Variants in PSG2 observed in about 807,000 individuals in gnomAD.
PSG2 encodes pregnancy-specific beta-1-glycoprotein 2.
PSG2 carries 49 observed loss-of-function variants against 36.2 expected under a neutral mutation model. That is an observed-to-expected ratio of 1.35 (90% CI 1.08 to 1.72). PSG2 has a LOEUF of 1.72. PSG2 is among the 40% of genes most tolerant of loss of function. The pLI, the probability that PSG2 is intolerant of heterozygous loss-of-function variation, is 0.00. For synonymous variants in PSG2, 261 were observed against 155.6 expected, an observed-to-expected ratio of 1.68 and a Z score of -5.04; for missense variants, 605 against 407.2, an observed-to-expected ratio of 1.49 and a Z score of -4.18.
chr19:43,066,586 C>G lies in PSG2; in HGVS notation c.979G>C (p.Gly327Arg). ...GTTGGATTAAGGAGAGGAAGAAGTC[C>G]TATTCTTGTAGAAGCTGTCATGGAA... ...TVKVSASTRIGLLPLLNPT is the reference protein window; with the variant it reads ...TVKVSASTRIRLLPLLNPT The change falls in exon 5 of 6, where the codon GGA (glycine) becomes CGA (arginine). Residue 327 changes from glycine to arginine, a missense_variant. Coordinates refer to ENST00000406487, the MANE Select transcript of PSG2 (RefSeq NM_031246.4). 5 of 1,601,388 alleles carry G rather than the reference C, an allele frequency of 3.1e-6. No homozygotes were observed. Among genetic ancestry groups the G allele is most frequent in the Non-Finnish European group, 4.3e-6 (5 of 1,169,192 alleles).
In PSG2 at chr19:43,066,339, G is replaced by A. The variant is rs1001046953; in HGVS notation, c.*40+178C>T. 7.9e-5 allele frequency among the ~76,000 whole-genome samples: 12 copies of A among 151,754 alleles called. 1 individual carries two copies. Among genetic ancestry groups the A allele is most frequent in the Middle Eastern group, 6.8e-3 (2 of 294 alleles). ...ATAATTATGTCTAAAAGACAGTGGG[G>A]TACAGGGAGCATAAAGGCCAGGGAG... On this transcript the variant is annotated intron_variant, in intron 5 of 5. Coordinates refer to ENST00000406487, the MANE Select transcript of PSG2 (RefSeq NM_031246.4).
Position 43,072,911 on chromosome 19 carries a change from C to T in PSG2, c.710-957G>A, listed in dbSNP as rs961363025. Reference sequence around the variant, plus strand: ...GTCAGTGGGAGTCACAGCCCCAGTACCCCTCCCAGTCTCTCCCTAATCAGT... The same window carrying T: ...GTCAGTGGGAGTCACAGCCCCAGTATCCCTCCCAGTCTCTCCCTAATCAGT... On this transcript the variant is annotated intron_variant, in intron 3 of 5. Coordinates refer to ENST00000406487, the MANE Select transcript of PSG2 (RefSeq NM_031246.4). 2.0e-5 allele frequency among the ~76,000 whole-genome samples: 3 copies of T among 151,688 alleles called. 1 individual carries two copies. The highest frequency in any genetic ancestry group is 7.3e-5 in the African/African-American group (3 of 41,084).
At chr19:43,072,545 T>C in intron 3 of PSG2, 2 of 1,611,282 alleles carry the variant, frequency 1.2e-6, no homozygotes, top group Non-Finnish European at 1.7e-6. Context: ...GCTCTCACTC[T>C]TAGGTTCACA....
At chr19:43,070,856 G>A (rs1160066783) in intron 4 of PSG2, among the ~76,000 whole-genome samples, 1 of 151,668 alleles carries the variant, frequency 6.6e-6, no homozygotes, top group Non-Finnish European at 1.5e-5. Flanking sequence ...GTGTCTGGTA[G>A]TCTTACCCTC....
At chr19:43,078,344 T>G (rs1321481246) in intron 2 of PSG2, among the ~76,000 whole-genome samples, 1 of 151,816 alleles carries the variant, frequency 6.6e-6, no homozygotes, top group Non-Finnish European at 1.5e-5. Context: ...TCTGCTAAAT[T>G]GTTGTCACAG....
chr19:43,079,655 G>T (rs963154448), intron 2 of PSG2, among the ~76,000 whole-genome samples: 6 of 123,158 alleles, frequency 4.9e-5, no homozygotes, highest in African/African-American at 1.7e-4. Context: ...AGTGATGGGG[G>T]TTAAGATCTG....
intron 5 of PSG2, among the ~76,000 whole-genome samples, chr19:43,065,289 C>G (rs901150105): frequency 6.6e-6 from 1 of 151,558 alleles, no homozygotes; most frequent in Non-Finnish European, 1.5e-5. Context: ...TTACTGAGTT[C>G]TTGGTGTAGC....
At chr19:43,078,971 T>G (rs1043595253) in intron 2 of PSG2, among the ~76,000 whole-genome samples, 4 of 151,496 alleles carry the variant, frequency 2.6e-5, no homozygotes, top group East Asian at 1.9e-4. Flanking sequence ...TGGCTCGAGA[T>G]GAAGCCTGGC....
At chr19:43,072,213 C>A (rs1967829269) in intron 3 of PSG2, 3 of 1,452,218 alleles carry the variant, frequency 2.1e-6, no homozygotes, top group Admixed American at 2.3e-5. Context: ...CAGGTTTTCC[C>A]AGGGCAGGGA....
chr19:43,078,427 G>A (rs141949242), intron 2 of PSG2, among the ~76,000 whole-genome samples: 1 of 151,664 alleles, frequency 6.6e-6, no homozygotes, highest in African/African-American at 2.4e-5. Context: ...TGATCCTATA[G>A]ATAACATCAC....
At chr19:43,080,058 C>T (rs1017708160) in intron 2 of PSG2, among the ~76,000 whole-genome samples, 4 of 151,742 alleles carry the variant, frequency 2.6e-5, no homozygotes. Context: ...TGATCTAATG[C>T]TTGGCACAGT....
intron 3 of PSG2, chr19:43,072,648 G>T (rs1392641846): frequency 2.5e-6 from 4 of 1,609,984 alleles, no homozygotes; most frequent in East Asian, 2.2e-5. Flanking sequence ...ATAACAGAGA[G>T]AAGATTGTCC....
At position 43,064,623 on chromosome 19, in the gene PSG2, G is replaced by T; in HGVS notation, c.*41-22C>A. On this transcript the variant is annotated intron_variant, in intron 5 of 5. Transcript: ENST00000406487. ...TCTCCTTGAAGAAAAAGCAATTTTG[G>T]ACTGTAGGTGATTGTAAGTAGTTTG... 4.8e-6 allele frequency: 3 copies of T among 622,768 alleles called. No individual in the cohort carries two copies. In the South Asian group the frequency reaches 4.8e-5, roughly 10 times the overall value. 38.6% of individuals were successfully genotyped at this position (622,768 alleles called of 1,614,324 possible).
intron 4 of PSG2, among the ~76,000 whole-genome samples, chr19:43,069,536 C>T (rs1599705249): frequency 2.0e-5 from 3 of 151,590 alleles, no homozygotes; most frequent in African/African-American, 7.3e-5. Flanking sequence ...AGTATAATAG[C>T]CCAGAAAGAA....
intron 3 of PSG2, among the ~76,000 whole-genome samples, chr19:43,073,184 C>T (rs1467481528): frequency 1.3e-5 from 2 of 151,954 alleles, no homozygotes; most frequent in East Asian, 3.9e-4. Flanking sequence ...GCCTGGAGGT[C>T]AGTTCAGTCA....
At chr19:43,068,319 G>T (rs1410099666) in intron 4 of PSG2, among the ~76,000 whole-genome samples, 1 of 151,276 alleles carries the variant, frequency 6.6e-6, no homozygotes. Context: ...TGCACCTGTA[G>T]TCCTAGCATC....
intron 2 of PSG2, among the ~76,000 whole-genome samples, chr19:43,077,059 C>T (rs1219757662): frequency 6.6e-6 from 1 of 151,508 alleles, no homozygotes; most frequent in Admixed American, 6.6e-5. Flanking sequence ...ATGTTATGTT[C>T]TGACTCTAGT....
chr19:43,076,621 T>C (rs1967899765), intron 2 of PSG2, among the ~76,000 whole-genome samples: 1 of 151,566 alleles, frequency 6.6e-6, no homozygotes, highest in African/African-American at 2.4e-5. Context: ...CTCATATCAG[T>C]GGATTCCAGA....
rs1967966317 is a variant in PSG2 at position 43,081,107 on chromosome 19, G to T, written c.204C>A (p.Tyr68Ter). 1 of 1,612,658 alleles carries T rather than the reference G, an allele frequency of 6.2e-7. No individual in the cohort carries two copies. The change falls in exon 2 of 6, where the codon TAC becomes TAA. Residue 68 changes from tyrosine to a stop codon, truncating the protein, a stop_gained. Coordinates refer to ENST00000406487, the MANE Select transcript of PSG2 (RefSeq NM_031246.4). LOFTEE classifies it high-confidence loss of function. ...GGTAGAGGTCCCTGATTTGCCCTTT[G>T]TACCAGATGTAGCCAGTAAGATTCT... ...LPQNLTGYIW[Y>*]KGQIRDLYHY... is the part of the protein sequence containing the mutation.
Sources: gnomAD v4.1 joint callset for allele counts (sites outside exome capture counted in the v4.1 genomes callset) on GRCh38, gnomAD v4.1.1 for gene constraint, MANE v1.5 for transcripts, NCBI Gene and HGNC (gene_info 2026-07-23, HGNC 2026-07-21) for gene names.